RIMKLB: variants seen among roughly 807,000 people sequenced by gnomAD.
RIMKLB encodes ribosomal modification protein rimK like family member B.
RIMKLB carries 7 observed loss-of-function variants against 32.0 expected under a neutral mutation model. That is an observed-to-expected ratio of 0.22 (90% CI 0.12 to 0.41). The LOEUF is 0.41. RIMKLB is among the 10% of genes least tolerant of loss of function. The pLI is 1.00. For synonymous variants in RIMKLB, 172 were observed against 185.1 expected, an observed-to-expected ratio of 0.93 and a Z score of 0.57; for missense variants, 289 against 498.7, an observed-to-expected ratio of 0.58 and a Z score of 4.00.
At chr12:8,682,227 C>T (rs775136747) in intron 1 of RIMKLB, among the ~76,000 whole-genome samples, 1 of 152,240 alleles carries the variant, frequency 6.6e-6, no homozygotes, top group African/African-American at 2.4e-5. Context: ...GTTCCTAAAT[C>T]GGGACACGAG....
intron 5 of RIMKLB, among the ~76,000 whole-genome samples, chr12:8,772,864 G>A (rs1480677222): frequency 6.6e-6 from 1 of 152,208 alleles, no homozygotes; most frequent in Non-Finnish European, 1.5e-5. Context: ...TAACCCAGAA[G>A]CCTTTTGGTT....
intron 5 of RIMKLB, among the ~76,000 whole-genome samples, chr12:8,760,390 GC>G (rs1439935937): frequency 6.6e-6 from 1 of 152,154 alleles, no homozygotes; most frequent in African/African-American, 2.4e-5. Flanking sequence ...TGTGAATAGT[GC>G]CACAATAAAC....
intron 5 of RIMKLB, among the ~76,000 whole-genome samples, chr12:8,768,957 TTTAC>T (rs1360763439): frequency 5.3e-5 from 8 of 152,208 alleles, no homozygotes; most frequent in Admixed American, 4.6e-4. Context: ...TTGTATTCAT[TTTAC>T]TTTTTGTTTT....
At chr12:8,754,330 T>G (rs1225152638) in intron 5 of RIMKLB, among the ~76,000 whole-genome samples, 1 of 152,174 alleles carries the variant, frequency 6.6e-6, no homozygotes, top group Non-Finnish European at 1.5e-5. Context: ...CGTTCTCAAT[T>G]TGTAACCCAA....
chr12:8,710,829 G>A (rs1448951965), intron 1 of RIMKLB, among the ~76,000 whole-genome samples: 1 of 152,038 alleles, frequency 6.6e-6, no homozygotes, highest in South Asian at 2.1e-4. Context: ...ACTGTGCAAT[G>A]AAATTAATCA....
At chr12:8,748,519 C>CGCGT (rs1948309516) in intron 2 of RIMKLB, among the ~76,000 whole-genome samples, 1 of 131,278 alleles carries the variant, frequency 7.6e-6, no homozygotes, top group Non-Finnish European at 1.6e-5. Flanking sequence ...TGGGATTATT[C>CGCGT]GTGTGTGTGT....
downstream of RIMKLB, among the ~76,000 whole-genome samples, chr12:8,781,761 G>T (rs1951067006): frequency 6.6e-6 from 1 of 152,006 alleles, no homozygotes; most frequent in African/African-American, 2.4e-5. Flanking sequence ...CTTTTCATTT[G>T]CATTCTTCAT....
Position 8,753,873 on chromosome 12 carries a change from ATTC to A in RIMKLB, c.494-14_494-12del. On this transcript the variant is annotated splice_polypyrimidine_tract_variant and intron_variant, in intron 4 of 5. Coordinates refer to ENST00000535829, the MANE Select transcript of RIMKLB (RefSeq NM_001297776.2). ...AATTGATGACTTAACATGTATTTTT[ATTC>A]TTTTCAATCATAGGTAAAGCTGTTT... 2 of 1,603,880 alleles carry A rather than the reference ATTC, an allele frequency of 1.2e-6. No individual in the cohort carries two copies.
chr12:8,697,020 C>T (rs1259727978), upstream of RIMKLB, among the ~76,000 whole-genome samples: 1 of 152,120 alleles, frequency 6.6e-6, no homozygotes, highest in Non-Finnish European at 1.5e-5. Context: ...TATTCTTAGC[C>T]TCCTTTGGGC....
At chr12:8,670,638 G>A in the RIMKLB span, among the ~76,000 whole-genome samples, 1 of 152,210 alleles carries the variant, frequency 6.6e-6, no homozygotes, top group Non-Finnish European at 1.5e-5. Flanking sequence ...AGCTTTTCCA[G>A]GCACAAGGTG....
chr12:8,675,141 G>A, the RIMKLB span, among the ~76,000 whole-genome samples: 4 of 152,200 alleles, frequency 2.6e-5, no homozygotes, highest in East Asian at 3.9e-4. Context: ...GATTATAGGC[G>A]TAAGCCACCA....
At chr12:8,713,395 T>C (rs922316668) in intron 1 of RIMKLB, among the ~76,000 whole-genome samples, 2 of 152,168 alleles carry the variant, frequency 1.3e-5, no homozygotes, top group African/African-American at 4.8e-5. Flanking sequence ...GCGGGGTTTC[T>C]AGTGATGGGA....
intron 2 of RIMKLB, among the ~76,000 whole-genome samples, chr12:8,723,891 T>G (rs1945725463): frequency 7.0e-6 from 1 of 142,746 alleles, no homozygotes; most frequent in South Asian, 2.4e-4. Flanking sequence ...CCTGGCTCAC[T>G]GCAACCTCTT....
intron 2 of RIMKLB, among the ~76,000 whole-genome samples, chr12:8,726,669 C>A (rs1301415017): frequency 7.2e-6 from 1 of 138,284 alleles, no homozygotes; most frequent in Non-Finnish European, 1.6e-5. Flanking sequence ...TTTTTTTTTT[C>A]ATTTTATTTA....
At chr12:8,741,932 TTG>T (rs985679051) in intron 2 of RIMKLB, among the ~76,000 whole-genome samples, 2 of 151,600 alleles carry the variant, frequency 1.3e-5, no homozygotes, top group African/African-American at 4.9e-5. Context: ...GCTTTTTTTT[TTG>T]TTTTTTTTGA....
At chr12:8,735,579 G>A (rs1946924529) in intron 2 of RIMKLB, among the ~76,000 whole-genome samples, 1 of 152,032 alleles carries the variant, frequency 6.6e-6, no homozygotes, top group Non-Finnish European at 1.5e-5. Context: ...CTTTAAAACA[G>A]AGGGGAAGTA....
At chr12:8,764,437 G>T (rs1949785054) in intron 5 of RIMKLB, among the ~76,000 whole-genome samples, 2 of 152,206 alleles carry the variant, frequency 1.3e-5, no homozygotes, top group Admixed American at 1.3e-4. Context: ...AGAAAAGCAT[G>T]TGAAAAGAGT....
intron 2 of RIMKLB, among the ~76,000 whole-genome samples, chr12:8,745,037 C>G (rs1159108142): frequency 6.6e-6 from 1 of 151,882 alleles, no homozygotes; most frequent in East Asian, 1.9e-4. Flanking sequence ...ATGTTCCCCA[C>G]CCTGTGTCTG....
upstream of RIMKLB, among the ~76,000 whole-genome samples, chr12:8,680,365 T>C (rs982195488): frequency 7.9e-5 from 12 of 152,082 alleles, no homozygotes; most frequent in African/African-American, 2.9e-4. Flanking sequence ...TTCACCATGT[T>C]AGCCAGGATG....
Sources: gnomAD v4.1 joint callset for allele counts (sites outside exome capture counted in the v4.1 genomes callset) on GRCh38, gnomAD v4.1.1 for gene constraint, MANE v1.5 for transcripts, NCBI Gene and HGNC (gene_info 2026-07-23, HGNC 2026-07-21) for gene names.